ACSL5: variants seen among roughly 807,000 people sequenced by gnomAD.
The protein encoded by ACSL5 is long-chain-fatty-acid--CoA ligase 5.
A neutral mutation model predicts 84.9 loss-of-function variants in ACSL5; 50 were observed. The ratio of observed to expected loss-of-function variants is 0.59; its 90% CI spans 0.47 to 0.75. The LOEUF is 0.75. ACSL5 is among the 30% of genes least tolerant of loss of function. The probability of loss-of-function intolerance (pLI) is 0.00; values close to 1 mark genes in which losing one functional copy is unlikely to be tolerated. For synonymous variants in ACSL5, 280 were observed against 300.7 expected (o/e 0.93, Z 0.71); for missense variants, 775 against 830.4 (o/e 0.93, Z 0.82).
chr10:112,425,623 T>C, intron 18 of ACSL5, 142 bp downstream of exon 18: 1 of 766,918 alleles, frequency 1.3e-6, no homozygotes, highest in Non-Finnish European at 1.9e-6. Flanking sequence ...TGAAGTTACA[T>C]TCCAAACCTC....
intron 1 of ACSL5, among the ~76,000 whole-genome samples, chr10:112,387,435 G>A (rs1233504143): frequency 6.6e-6 from 1 of 152,100 alleles, no homozygotes; most frequent in African/African-American, 2.4e-5. Flanking sequence ...ATTTCATACT[G>A]GCCTTTTGTC....
At chr10:112,375,489 C>G (rs1849218589) in intron 1 of ACSL5, 2 of 152,228 alleles carry the variant, frequency 1.3e-5, no homozygotes, top group South Asian at 4.1e-4. Flanking sequence ...TGCTGAACTT[C>G]CTGTGAGCCT....
At chr10:112,394,851 T>TA in intron 1 of ACSL5, 67 bp from the exon 2 acceptor site, 1 of 1,568,182 alleles carries the variant, frequency 6.4e-7, no homozygotes, top group South Asian at 1.1e-5. Context: ...TCTGAAAACA[T>TA]AGAGCTATTG....
intron 11 of ACSL5, 178 bp downstream of exon 11, chr10:112,412,157 C>T (rs1295583480): frequency 1.6e-6 from 1 of 633,846 alleles, no homozygotes; most frequent in Non-Finnish European, 2.8e-6. Context: ...CCTGCAGAGT[C>T]TTCCTCTGCT....
rs184796158 is a variant in ACSL5 at position 112,384,375 on chromosome 10, A to G, written c.-30+10106A>G. ...TCCCTGCTATATCCCCAGCACCTGG[A>G]ACAATGCAACATATACAGCCAAGCC... On this transcript the variant is annotated intron_variant, in intron 1 of 20. Transcript: ENST00000354655. Among the ~76,000 whole-genome samples, 99 of 152,296 alleles carry G rather than the reference A, an allele frequency of 6.5e-4. 2 individuals carry two copies. Among genetic ancestry groups the G allele is most frequent in the South Asian group, 5.8e-3 (28 of 4,822 alleles).
chr10:112,383,529 G>A (rs1378817858), intron 1 of ACSL5, among the ~76,000 whole-genome samples: 1 of 152,214 alleles, frequency 6.6e-6, no homozygotes, highest in African/African-American at 2.4e-5. Context: ...CTTTGCTCTG[G>A]TTTCTTATCG....
chr10:112,387,118 G>C (rs1198141354), intron 1 of ACSL5, among the ~76,000 whole-genome samples: 2 of 152,172 alleles, frequency 1.3e-5, no homozygotes, highest in Admixed American at 1.3e-4. Flanking sequence ...GCTGAGAATA[G>C]CTTCCCTTGG....
At chr10:112,389,864 T>G (rs897739322) in intron 1 of ACSL5, among the ~76,000 whole-genome samples, 1 of 152,186 alleles carries the variant, frequency 6.6e-6, no homozygotes, top group Non-Finnish European at 1.5e-5. Flanking sequence ...GAGAGTTACA[T>G]GATATGGTTG....
chr10:112,418,511 G>A (rs1019149082), intron 14 of ACSL5, among the ~76,000 whole-genome samples: 1 of 152,092 alleles, frequency 6.6e-6, no homozygotes, highest in Non-Finnish European at 1.5e-5. Context: ...GAACCCGGCA[G>A]GTGGAGCTTG....
Position 112,427,369 on chromosome 10 carries a change from T to TTAA in ACSL5, c.*12_*14dup. ...CACATCCAGGATTAGGATAAGGTAC[T>TTAA]TAAGTACCTGCCGGCCCACTGTGCA... is the stretch of plus-strand genomic sequence containing the variant. On this transcript the variant is annotated 3_prime_UTR_variant, in exon 21 of 21. Transcript: ENST00000354655. The TTAA allele has an allele frequency of 6.2e-7, 1 of 1,606,072 alleles. No individual in the cohort carries two copies. Among genetic ancestry groups the TTAA allele is most frequent in the Non-Finnish European group, 8.5e-7 (1 of 1,176,550 alleles).
intron 14 of ACSL5, among the ~76,000 whole-genome samples, chr10:112,420,383 ATAT>A (rs1158415679): frequency 2.0e-5 from 3 of 152,334 alleles, no homozygotes; most frequent in African/African-American, 7.2e-5. Context: ...TATTTTAAAA[ATAT>A]TATTCAAATA....
chr10:112,425,595 T>TAA (rs71489969), intron 18 of ACSL5, 114 bp downstream of exon 18: 65,317 of 531,536 alleles, frequency 0.12, 2,523 homozygotes, highest in Admixed American at 0.15. Flanking sequence ...CTTATAAAAC[T>TAA]AAAAAAAAAA....
intron 1 of ACSL5, among the ~76,000 whole-genome samples, chr10:112,382,940 T>C (rs1024667657): frequency 1.3e-5 from 2 of 152,212 alleles, no homozygotes; most frequent in African/African-American, 4.8e-5. Flanking sequence ...GCTGTCTCCC[T>C]GCTCTGTCCA....
chr10:112,415,268 C>A (rs563571426), intron 12 of ACSL5, among the ~76,000 whole-genome samples: 2 of 152,090 alleles, frequency 1.3e-5, no homozygotes, highest in Non-Finnish European at 2.9e-5. Flanking sequence ...GGCACGATCT[C>A]GGCTCACTGC....
At chr10:112,395,531 A>C (rs1843728622) in intron 2 of ACSL5, among the ~76,000 whole-genome samples, 1 of 152,240 alleles carries the variant, frequency 6.6e-6, no homozygotes, top group Non-Finnish European at 1.5e-5. Context: ...CTTTGGGGAC[A>C]GGATGACATT....
intron 5 of ACSL5, among the ~76,000 whole-genome samples, chr10:112,407,733 C>G (rs972400084): frequency 6.6e-6 from 1 of 152,104 alleles, no homozygotes; most frequent in Non-Finnish European, 1.5e-5. Flanking sequence ...CTACCTCTAC[C>G]TCCATAACCA....
In ACSL5 at chr10:112,420,288, CCAG is replaced by C. The variant is rs869222438; in HGVS notation, c.1315-1303_1315-1301del. ...CAGCCCTTGAACTTGTTTCCTGCCC[CCAG>C]CCTCTCTCCAGTCAAGATTATCTTC... On this transcript the variant is annotated intron_variant, in intron 14 of 20. Transcript: ENST00000354655. Among the ~76,000 whole-genome samples the C allele has an allele frequency of 4.6e-5, 7 of 152,302 alleles. No homozygotes were observed. In the East Asian group the frequency reaches 1.4e-3, roughly 29 times the overall value.
At chr10:112,422,535 A>G (rs1844491284) in intron 17 of ACSL5, 94 bp downstream of exon 17, 1 of 1,225,092 alleles carries the variant, frequency 8.2e-7, no homozygotes, top group African/African-American at 1.5e-5. Flanking sequence ...CAAGTAGGTT[A>G]ATCAGCTGAG....
At chr10:112,416,327 T>C (rs1844312601) in intron 12 of ACSL5, among the ~76,000 whole-genome samples, 1 of 151,478 alleles carries the variant, frequency 6.6e-6, no homozygotes, top group Admixed American at 6.6e-5. Context: ...AAAAGCTAGC[T>C]GGGCGTGGTG....
Sources: gnomAD v4.1 joint callset for allele counts (sites outside exome capture counted in the v4.1 genomes callset) on GRCh38, gnomAD v4.1.1 for gene constraint, MANE v1.5 for transcripts, NCBI Gene and HGNC (gene_info 2026-07-23, HGNC 2026-07-21) for gene names.